The following LUC7L3 variants were observed in gnomAD, a reference collection of about 807,000 sequenced individuals.
LUC7L3 encodes the protein luc7-like protein 3.
In LUC7L3, 6 loss-of-function variants were observed where a neutral mutation model predicts 66.8. The ratio of observed to expected loss-of-function variants is 0.09; its 90% CI spans 0.05 to 0.18. The LOEUF (loss-of-function observed/expected upper bound fraction) is 0.18, where lower values mean the gene tolerates loss of function less well. LUC7L3 is among the 10% of genes least tolerant of loss of function. LUC7L3 has a pLI of 1.00. For missense variants in LUC7L3, 341 were observed against 531.1 expected (o/e 0.64, Z 3.52); for synonymous variants, 160 against 174.7 (o/e 0.92, Z 0.66).
intron 1 of LUC7L3, among the ~76,000 whole-genome samples, chr17:50,732,185 T>A (rs182333795): frequency 6.6e-6 from 1 of 152,324 alleles, no homozygotes; most frequent in Admixed American, 6.5e-5. Flanking sequence ...TTACAGTAAG[T>A]ACATGTTCTT....
intron 4 of LUC7L3, 150 bp downstream of exon 4, chr17:50,741,396 T>C: frequency 1.2e-6 from 1 of 818,812 alleles, no homozygotes; most frequent in South Asian, 2.1e-5. Context: ...TTTTCCAGTC[T>C]TTATTAGCAA....
At chr17:50,720,961 T>C (rs1192784126) in intron 1 of LUC7L3, among the ~76,000 whole-genome samples, 1 of 152,176 alleles carries the variant, frequency 6.6e-6, no homozygotes, top group East Asian at 1.9e-4. Context: ...ATTTATTGTT[T>C]TTAAGAGGTG....
rs1970955998 is a variant in LUC7L3, at chr17:50,751,053, A to G, written c.*392A>G. 2.1e-6 allele frequency: 3 copies of G among 1,433,574 alleles called. No homozygotes were observed. The African/African-American group carries it at 4.4e-5, about 21-fold the overall frequency. The allele number at this position is 1,433,574 out of a possible 1,614,324, so 88.8% of individuals were successfully genotyped here. ...TTTTTTTCTTTTTGGTATTAAGTCC[A>G]TCTTGTGTTGGTACATTGGCAGAGA... On this transcript the variant is annotated 3_prime_UTR_variant, in exon 10 of 10. Coordinates refer to ENST00000505658, the MANE Select transcript of LUC7L3 (RefSeq NM_016424.5).
Position 50,750,774 on chromosome 17 carries a change from T to C in LUC7L3, c.*113T>C. 2 of 1,594,894 alleles carry C rather than the reference T, an allele frequency of 1.3e-6. No homozygotes were observed. The highest frequency in any genetic ancestry group is 1.3e-5 in the African/African-American group (1 of 74,446). ...CAGCGTAAGTATGCACAGATGAAGA[T>C]GGAACTAAGCCGAGTAAGAAGACAT... On this transcript the variant is annotated 3_prime_UTR_variant, in exon 10 of 10. Transcript: ENST00000505658.
intron 2 of LUC7L3, 74 bp from the exon 3 acceptor site, chr17:50,740,231 AT>A: frequency 8.7e-7 from 1 of 1,146,054 alleles, no homozygotes; most frequent in Non-Finnish European, 1.3e-6. Flanking sequence ...AAAAAGAAAA[AT>A]AACTCTTTTT....
intron 1 of LUC7L3, among the ~76,000 whole-genome samples, chr17:50,733,462 C>T (rs1327282502): frequency 1.6e-4 from 20 of 125,976 alleles, no homozygotes; most frequent in Middle Eastern, 6.2e-3. Context: ...AGTGCAGTGG[C>T]GCCATCTTGG....
Position 50,752,156 on chromosome 17 carries a change from A to G in LUC7L3, c.*1495A>G. On this transcript the variant is annotated 3_prime_UTR_variant, in exon 10 of 10. Coordinates refer to ENST00000505658, the MANE Select transcript of LUC7L3 (RefSeq NM_016424.5). ...ACTTTCTCATAAAAATTGGCCTTTT[A>G]CATGTTGTCTAATTATCATTTTTCC... 1.6e-6 allele frequency: 2 copies of G among 1,277,968 alleles called. No individual in the cohort carries two copies. The highest frequency in any genetic ancestry group is 1.0e-6 in the Non-Finnish European group (1 of 984,430). The allele number at this position is 1,277,968 out of a possible 1,614,324, so 79.2% of individuals were successfully genotyped here.
chr17:50,741,784 C>T (rs1203503908), intron 5 of LUC7L3, 53 bp downstream of exon 5: 4 of 1,397,462 alleles, frequency 2.9e-6, no homozygotes, highest in Non-Finnish European at 4.1e-6. Flanking sequence ...GACATGTAAC[C>T]AGCAAAAATA....
intron 5 of LUC7L3, among the ~76,000 whole-genome samples, chr17:50,742,275 GTATAATA>G (rs1173655225): frequency 1.3e-5 from 2 of 152,114 alleles, no homozygotes; most frequent in East Asian, 3.8e-4. Context: ...TGGAACTGGG[GTATAATA>G]TTGCACAACC....
chr17:50,749,284 A>AT, intron 9 of LUC7L3: 1 of 1,289,380 alleles, frequency 7.8e-7, no homozygotes, highest in Non-Finnish European at 1.0e-6. Flanking sequence ...ACTCTTCCTC[A>AT]TTGAAGCTAC....
Position 50,737,431 on chromosome 17 carries a change from G to T in LUC7L3, c.166+405G>T, listed in dbSNP as rs887225208. 9.4e-6 allele frequency: 4 copies of T among 426,144 alleles called. No individual in the cohort carries two copies. The Admixed American group carries it at 1.1e-4, about 12-fold the overall frequency. 26.4% of individuals were successfully genotyped at this position (426,144 alleles called of 1,614,324 possible). The stretch of plus-strand genomic sequence containing the variant: ...AGAAGGGGATACTAAACAGAAGCGA[G>T]TGTTTGATCAGCAGAACCCTGGACA... On this transcript the variant is annotated intron_variant, in intron 2 of 9. Coordinates refer to ENST00000505658, the MANE Select transcript of LUC7L3 (RefSeq NM_016424.5).
chr17:50,719,859 C>T, intron 1 of LUC7L3, 28 bp downstream of exon 1: 1 of 1,584,410 alleles, frequency 6.3e-7, no homozygotes, highest in Non-Finnish European at 8.6e-7. Context: ...TGGCCTGAGC[C>T]CGGGCTCCGT....
At position 50,753,183 on chromosome 17, in the gene LUC7L3, T is replaced by G. The variant is rs567734539; in HGVS notation, c.*2522T>G. On this transcript the variant is annotated 3_prime_UTR_variant, in exon 10 of 10. Coordinates refer to ENST00000505658, the MANE Select transcript of LUC7L3 (RefSeq NM_016424.5). ...AGCATGTTTCTATCTATAGCCAGCTTCTTCGACTGTATAAAAGTATTCTCT... is the reference window on the plus strand; with the variant it reads ...AGCATGTTTCTATCTATAGCCAGCTGCTTCGACTGTATAAAAGTATTCTCT... The G allele has an allele frequency of 5.2e-5, 8 of 152,638 alleles. No individual in the cohort carries two copies. The highest frequency in any genetic ancestry group is 4.1e-4 in the South Asian group (2 of 4,834). 9.5% of individuals were successfully genotyped at this position (152,638 alleles called of 1,614,324 possible).
rs963695123 is a variant in LUC7L3, at chr17:50,755,379, G to A, written c.*4718G>A. The stretch of plus-strand genomic sequence containing the variant: ...ATATGACGGTATACCCGTATGTTCT[G>A]AGTCTTGCTGTTTTTACCTGGTAAT... On this transcript the variant is annotated 3_prime_UTR_variant, in exon 10 of 10. Transcript: ENST00000505658. The A allele has an allele frequency of 1.1e-4, 17 of 152,140 alleles. No homozygotes were observed. Among genetic ancestry groups the A allele is most frequent in the African/African-American group, 3.9e-4 (16 of 41,430 alleles). The allele number at this position is 152,140 out of a possible 1,614,324, so 9.4% of individuals were successfully genotyped here.
chr17:50,749,809 C>T (rs1411896269), intron 9 of LUC7L3, among the ~76,000 whole-genome samples: 2 of 152,146 alleles, frequency 1.3e-5, no homozygotes, highest in Non-Finnish European at 2.9e-5. Flanking sequence ...GAGGTCTTAC[C>T]CATCCAAAGA....
At position 50,752,327 on chromosome 17, in the gene LUC7L3, T is replaced by TTAG; in HGVS notation, c.*1668_*1669insGTA. 1.3e-6 allele frequency: 1 copy of TTAG among 776,014 alleles called. No individual in the cohort carries two copies. Among genetic ancestry groups the TTAG allele is most frequent in the South Asian group, 1.8e-5 (1 of 55,478 alleles). 48.1% of individuals were successfully genotyped at this position (776,014 alleles called of 1,614,324 possible). On this transcript the variant is annotated 3_prime_UTR_variant, in exon 10 of 10. Coordinates refer to ENST00000505658, the MANE Select transcript of LUC7L3 (RefSeq NM_016424.5). ...GTATAAAGCTCAGTTAGTTTTTTTA[T>TTAG]TATTATTATTATTAAAAGTTAATTC... is the stretch of plus-strand genomic sequence containing the variant.
In LUC7L3 at chr17:50,751,459, T is replaced by C. The variant is rs1597948866; in HGVS notation, c.*798T>C. 1.6e-6 allele frequency: 2 copies of C among 1,250,394 alleles called. No individual in the cohort carries two copies. Among genetic ancestry groups the C allele is most frequent in the South Asian group, 2.6e-5 (2 of 75,736 alleles). The allele number at this position is 1,250,394 out of a possible 1,614,324, so 77.5% of individuals were successfully genotyped here. ...TAACTGTTGTGTATCTTTTTTGTTCTTTACAAGAAGTGCAGAGGGGTTTTT... is the reference window on the plus strand; with the variant it reads ...TAACTGTTGTGTATCTTTTTTGTTCCTTACAAGAAGTGCAGAGGGGTTTTT... On this transcript the variant is annotated 3_prime_UTR_variant, in exon 10 of 10. Transcript: ENST00000505658.
At chr17:50,736,204 G>A (rs1048080779) in intron 1 of LUC7L3, among the ~76,000 whole-genome samples, 1 of 152,120 alleles carries the variant, frequency 6.6e-6, no homozygotes, top group African/African-American at 2.4e-5. Flanking sequence ...GTGATATTTT[G>A]GAATTTTGAT....
chr17:50,745,685 T>G, intron 7 of LUC7L3, 35 bp from the exon 8 acceptor site: 1 of 1,540,984 alleles, frequency 6.5e-7, no homozygotes, highest in Non-Finnish European at 8.7e-7. Context: ...GCTTTAAAGT[T>G]ACATTTGCAT....
Sources: gnomAD v4.1 joint callset for allele counts (sites outside exome capture counted in the v4.1 genomes callset) on GRCh38, gnomAD v4.1.1 for gene constraint, MANE v1.5 for transcripts, NCBI Gene and HGNC (gene_info 2026-07-23, HGNC 2026-07-21) for gene names.